The following GRM4 variants were observed in gnomAD, a reference collection of about 807,000 sequenced individuals.
GRM4 encodes the protein glutamate metabotropic receptor 4.
Under a neutral mutation model 81.7 loss-of-function variants are expected in GRM4, and 28 were observed. That is an observed-to-expected ratio of 0.34 (90% CI 0.25 to 0.47). The LOEUF (loss-of-function observed/expected upper bound fraction) is 0.47, where lower values mean the gene tolerates loss of function less well. Ranked by LOEUF, GRM4 falls within the 20% of genes least tolerant of loss-of-function variation. GRM4 has a pLI of 1.00. For synonymous variants in GRM4, 488 were observed against 528.8 expected, an observed-to-expected ratio of 0.92 and a Z score of 1.06; for missense variants, 948 against 1,290.0, an observed-to-expected ratio of 0.73 and a Z score of 4.06.
At chr6:34,113,629 C>T (rs1051929031) in intron 2 of GRM4, among the ~76,000 whole-genome samples, 2 of 152,114 alleles carry the variant, frequency 1.3e-5, no homozygotes, top group East Asian at 3.9e-4. Context: ...CAGAACTGCC[C>T]AGCCCTCTGG....
At chr6:34,082,627 G>A (rs75891694) in intron 3 of GRM4, among the ~76,000 whole-genome samples, 2 of 152,340 alleles carry the variant, frequency 1.3e-5, no homozygotes, top group Non-Finnish European at 2.9e-5. Flanking sequence ...CCCAGGGCCC[G>A]CTGCCCTGCT....
At chr6:34,071,819 A>ATG in intron 3 of GRM4, among the ~76,000 whole-genome samples, 1 of 151,382 alleles carries the variant, frequency 6.6e-6, no homozygotes, top group African/African-American at 2.4e-5. Flanking sequence ...GATACACACC[A>ATG]CACACAGACA....
intron 1 of GRM4, among the ~76,000 whole-genome samples, chr6:34,137,741 G>C (rs1581735082): frequency 6.8e-6 from 1 of 146,122 alleles, no homozygotes; most frequent in East Asian, 2.0e-4. Flanking sequence ...GCGCCATCAT[G>C]CCCACATAAT....
chr6:34,075,918 TC>T lies in GRM4; in HGVS notation c.737-13891del, dbSNP rs1461411582. Among the ~76,000 whole-genome samples, 5 of 152,300 alleles carry T rather than the reference TC, an allele frequency of 3.3e-5. No homozygotes were observed. The East Asian group carries it at 7.7e-4, about 24-fold the overall frequency. On this transcript the variant is annotated intron_variant, in intron 3 of 10. Coordinates refer to ENST00000538487, the MANE Select transcript of GRM4 (RefSeq NM_000841.4). ...GAACCTAGTTTCTGACAATGTTGTC[TC>T]CCCAGCCTATTCACCCCAGATACCC...
In GRM4 at chr6:34,040,721, G is replaced by A. The variant is rs1764982067; in HGVS notation, c.1196C>T (p.Ala399Val). The A allele has an allele frequency of 6.2e-7, 1 of 1,613,938 alleles. No homozygotes were observed. Among genetic ancestry groups the A allele is most frequent in the Non-Finnish European group, 8.5e-7 (1 of 1,179,826 alleles). ...TNRERIGQDS[A>V]YEQEGKVQFV... ...CTGCACCTTCCCCTCCTGCTCATAA[G>A]CTGAATCCTGCCCAATTCGCTCACG... is the stretch of plus-strand genomic sequence containing the variant. Residue 399 changes from alanine (A) to valine (V), a missense_variant, in exon 7 of 11, where the codon GCT (alanine) becomes GTT (valine). Coordinates refer to ENST00000538487, the MANE Select transcript of GRM4 (RefSeq NM_000841.4).
At chr6:34,056,211 C>T (rs182825153) in intron 6 of GRM4, 1 of 237,658 alleles carries the variant, frequency 4.2e-6, no homozygotes, top group East Asian at 9.0e-5. Flanking sequence ...TGGAAAGTGC[C>T]CAGCCTGGTG....
At chr6:34,155,017 TGCTGGGCACCTCCCCGTCCCACGCCCG>T in intron 1 of GRM4, 1 of 1,340,988 alleles carries the variant, frequency 7.5e-7, no homozygotes, top group Non-Finnish European at 1.0e-6. Flanking sequence ...CCTCCCACAG[TGCTGGGCACCTCCCCGTCCCACGCCCG>T]GGGACACGCC....
intron 3 of GRM4, among the ~76,000 whole-genome samples, chr6:34,085,085 C>T (rs1269210364): frequency 2.0e-5 from 3 of 152,164 alleles, no homozygotes; most frequent in African/African-American, 4.8e-5. Flanking sequence ...GGGCTGGGAA[C>T]GTGCCCAGGG....
chr6:34,049,732 T>C (rs1198622821), intron 6 of GRM4, among the ~76,000 whole-genome samples: 1 of 152,096 alleles, frequency 6.6e-6, no homozygotes, highest in African/African-American at 2.4e-5. Flanking sequence ...ATCCTTGACT[T>C]TCTGTCATCT....
intron 1 of GRM4, among the ~76,000 whole-genome samples, chr6:34,140,265 T>A (rs1770624837): frequency 6.6e-6 from 1 of 152,080 alleles, no homozygotes; most frequent in Non-Finnish European, 1.5e-5. Flanking sequence ...GGCACAGGCT[T>A]GGCACTTGAT....
intron 2 of GRM4, chr6:34,103,916 A>G (rs2127495529): frequency 7.7e-7 from 1 of 1,294,382 alleles, no homozygotes; most frequent in Non-Finnish European, 1.0e-6. Flanking sequence ...ATTGGCCCAG[A>G]TGTTCAGAGC....
At chr6:34,079,300 A>C (rs1459390778) in intron 3 of GRM4, among the ~76,000 whole-genome samples, 5 of 152,110 alleles carry the variant, frequency 3.3e-5, no homozygotes. Flanking sequence ...ACCCTGAGAT[A>C]GGACCACCTC....
intron 2 of GRM4, among the ~76,000 whole-genome samples, chr6:34,095,159 G>A (rs1354239938): frequency 3.3e-5 from 5 of 152,172 alleles, no homozygotes; most frequent in Admixed American, 2.0e-4. Context: ...TTTCAAGAGC[G>A]CAGGAGGGGC....
rs763905566 is a variant in GRM4 at position 34,035,796 on chromosome 6, T to C, written c.2314A>G (p.Ile772Val). ...LLMVTCTVYA[I>V]KTRGVPETFN... ...GTCTCGGGCACGCCGCGTGTCTTGATGGCATACACGGTGCACGTGACCATG... is the reference window on the plus strand; with the variant it reads ...GTCTCGGGCACGCCGCGTGTCTTGACGGCATACACGGTGCACGTGACCATG... The change falls in exon 9 of 11, where the codon ATC (isoleucine) becomes GTC (valine). Residue 772 changes from isoleucine to valine, a missense_variant. Coordinates refer to ENST00000538487, the MANE Select transcript of GRM4 (RefSeq NM_000841.4). This position sits in a 1 kb window ranked among gnomAD's most constrained non-coding sequence, Gnocchi z 6.6. The C allele has an allele frequency of 5.0e-6, 8 of 1,613,696 alleles. No homozygotes were observed. Among genetic ancestry groups the C allele is most frequent in the South Asian group, 4.4e-5 (4 of 91,068 alleles).
chr6:34,064,662 C>T lies in GRM4; in HGVS notation c.737-2634G>A, dbSNP rs79734080. ...AGGGGAGTGGGTAAAGGAACTGGCT[C>T]ACAAGCCAGGCCCTCTCCTGGGATG... On this transcript the variant is annotated intron_variant, in intron 3 of 10. Transcript: ENST00000538487. This position sits in a 1 kb window ranked among gnomAD's most constrained non-coding sequence, Gnocchi z 4.4. Among the ~76,000 whole-genome samples, 7,862 of 152,260 alleles carry T rather than the reference C, an allele frequency of 0.052. 329 individuals are homozygous for T. The highest frequency in any genetic ancestry group is 0.2 in the East Asian group (1,013 of 5,170).
Position 34,059,168 on chromosome 6 carries a change from C to A in GRM4, c.873-40G>T. 1.2e-6 allele frequency: 2 copies of A among 1,600,042 alleles called. No homozygotes were observed. The highest frequency in any genetic ancestry group is 2.2e-5 in the East Asian group (1 of 44,778). ...ACCAGCCCAGCCCAGCCGCGTCTGT[C>A]CACGAAACTGCCCCCACTCCTGGCC... On this transcript the variant is annotated intron_variant, in intron 4 of 10. Coordinates refer to ENST00000538487, the MANE Select transcript of GRM4 (RefSeq NM_000841.4). The surrounding 1 kb of genome is among the most constrained non-coding windows in gnomAD (Gnocchi z 5.7).
intron 9 of GRM4, among the ~76,000 whole-genome samples, chr6:34,031,392 G>C (rs1350451756): frequency 6.6e-6 from 1 of 152,214 alleles, no homozygotes; most frequent in African/African-American, 2.4e-5. Flanking sequence ...CAGGAGGACA[G>C]AGGACACCTG....
chr6:34,085,314 G>A (rs1336310103), intron 3 of GRM4, among the ~76,000 whole-genome samples: 1 of 152,220 alleles, frequency 6.6e-6, no homozygotes, highest in East Asian at 1.9e-4. Flanking sequence ...CCCAAGGCCA[G>A]CAGTGAGGAA....
In GRM4 at chr6:34,115,427, A is replaced by C. The variant is rs753809236; in HGVS notation, c.519+17551T>G. ...CACCGTCTGCCCGGCCACATGCCCA[A>C]CTCCCACCAAAACTGGCAGGAGCGC... On this transcript the variant is annotated intron_variant, in intron 2 of 10. Coordinates refer to ENST00000538487, the MANE Select transcript of GRM4 (RefSeq NM_000841.4). The surrounding 1 kb of genome is among the most constrained non-coding windows in gnomAD (Gnocchi z 4.1). Among the ~76,000 whole-genome samples the C allele has an allele frequency of 6.6e-6, 1 of 152,080 alleles. No homozygotes were observed. The highest frequency in any genetic ancestry group is 1.5e-5 in the Non-Finnish European group (1 of 68,014).
Sources: gnomAD v4.1 joint callset for allele counts (sites outside exome capture counted in the v4.1 genomes callset) on GRCh38, gnomAD v4.1.1 for gene constraint, Gnocchi (gnomAD v3.1) non-coding constraint, MANE v1.5 for transcripts, NCBI Gene and HGNC (gene_info 2026-07-23, HGNC 2026-07-21) for gene names.